Variants in PIEZO2 observed in about 807,000 individuals in gnomAD.
The protein encoded by PIEZO2 is piezo type mechanosensitive ion channel component 2, also known as piezo-type mechanosensitive ion channel component 2.
In PIEZO2, 172 loss-of-function variants were observed where a neutral mutation model predicts 337.3. That is an observed-to-expected ratio of 0.51 (90% CI 0.45 to 0.58). The LOEUF (loss-of-function observed/expected upper bound fraction) is 0.58, where lower values mean the gene tolerates loss of function less well. Among genes scored for constraint, PIEZO2 ranks in the 20% least tolerant of loss-of-function variants. The probability of loss-of-function intolerance (pLI) is 0.00; values close to 1 mark genes in which losing one functional copy is unlikely to be tolerated. For synonymous variants in PIEZO2, 1,251 were observed against 1,228.5 expected, an observed-to-expected ratio of 1.02 and a Z score of -0.38; for missense variants, 3,028 against 3,391.3, an observed-to-expected ratio of 0.89 and a Z score of 2.66.
At chr18:10,857,396 G>C (rs1447258381) in intron 5 of PIEZO2, among the ~76,000 whole-genome samples, 185 bp from the exon 6 acceptor site, 1 of 151,786 alleles carries the variant, frequency 6.6e-6, no homozygotes, top group Non-Finnish European at 1.5e-5. Context: ...AAGTAACTCT[G>C]ATCTTTCTGG....
Position 10,815,050 on chromosome 18 carries a change from T to C in PIEZO2, c.918-7776A>G, listed in dbSNP as rs913573951. Reference sequence around the variant, plus strand: ...CCCTGCAGCAGCTTATAAAACTAATTGTGGGGAAAATGGCCAGGCACTAAA... The same window carrying C: ...CCCTGCAGCAGCTTATAAAACTAATCGTGGGGAAAATGGCCAGGCACTAAA... On this transcript the variant is annotated intron_variant, in intron 7 of 55. Coordinates refer to ENST00000674853, the MANE Select transcript of PIEZO2 (RefSeq NM_001378183.1). The surrounding 1 kb of genome is among the most constrained non-coding windows in gnomAD (Gnocchi z 4.1). 1.3e-5 allele frequency among the ~76,000 whole-genome samples: 2 copies of C among 152,208 alleles called. No homozygotes were observed. The highest frequency in any genetic ancestry group is 2.9e-5 in the Non-Finnish European group (2 of 68,032).
At chr18:10,805,911 C>T (rs888903964) in intron 8 of PIEZO2, among the ~76,000 whole-genome samples, 5 of 152,348 alleles carry the variant, frequency 3.3e-5, no homozygotes, top group African/African-American at 1.2e-4. Context: ...GAGCCATGCG[C>T]CTCCTGCAGT....
At position 10,724,636 on chromosome 18, in the gene PIEZO2, T is replaced by G. The variant is rs2143997025; in HGVS notation, c.5030-6377A>C. The G allele has an allele frequency of 4.3e-6, 3 of 694,608 alleles. No homozygotes were observed. Among genetic ancestry groups the G allele is most frequent in the Middle Eastern group, 2.5e-4 (1 of 3,942 alleles). 43.0% of individuals were successfully genotyped at this position (694,608 alleles called of 1,614,324 possible). A position where few individuals can be genotyped will look rare whatever the true frequency, so the allele number is the denominator to read the frequency against. The stretch of plus-strand genomic sequence containing the variant: ...AGACAGAATGGTGCTGGACTCGGGG[T>G]CTCAGGCGTATGATCAGGCACCCAC... On this transcript the variant is annotated intron_variant, in intron 36 of 55. Coordinates refer to ENST00000674853, the MANE Select transcript of PIEZO2 (RefSeq NM_001378183.1). This position sits in a 1 kb window ranked among gnomAD's most constrained non-coding sequence, Gnocchi z 5.8.
chr18:10,855,267 C>A lies in PIEZO2; in HGVS notation c.917+86G>T, dbSNP rs563449503. Reference sequence around the variant, plus strand: ...AGCAATTGCCTGCCATCAAGAATAACCCCTGTAAATTCACAATGCCAAACC... The same window carrying A: ...AGCAATTGCCTGCCATCAAGAATAAACCCTGTAAATTCACAATGCCAAACC... On this transcript the variant is annotated intron_variant, in intron 7 of 55. Transcript: ENST00000674853. This position sits in a 1 kb window ranked among gnomAD's most constrained non-coding sequence, Gnocchi z 4.9. 20 of 1,195,466 alleles carry A rather than the reference C, an allele frequency of 1.7e-5. No homozygotes were observed. The East Asian group carries it at 4.1e-4, about 24-fold the overall frequency. The allele number at this position is 1,195,466 out of a possible 1,614,324, so 74.1% of individuals were successfully genotyped here.
At chr18:10,810,409 G>A (rs1162187984) in intron 7 of PIEZO2, among the ~76,000 whole-genome samples, 1 of 152,040 alleles carries the variant, frequency 6.6e-6, no homozygotes, top group East Asian at 1.9e-4. Context: ...CAATTATTAT[G>A]CCAAGGGCAG....
chr18:10,831,388 T>G (rs904749603), intron 7 of PIEZO2, among the ~76,000 whole-genome samples: 1 of 152,220 alleles, frequency 6.6e-6, no homozygotes, highest in African/African-American at 2.4e-5. Context: ...TGGATGGAAC[T>G]GGAGGTCATT....
At chr18:11,106,399 ATT>A (rs931175340) in intron 1 of PIEZO2, among the ~76,000 whole-genome samples, 1 of 134,066 alleles carries the variant, frequency 7.5e-6, no homozygotes, top group African/African-American at 2.9e-5. Context: ...CACCCGGCCC[ATT>A]TTTTTCTTTC....
chr18:10,756,813 G>A (rs2037878111), intron 27 of PIEZO2, among the ~76,000 whole-genome samples: 2 of 150,228 alleles, frequency 1.3e-5, no homozygotes, highest in Admixed American at 1.3e-4. Context: ...TGAGGAGGAG[G>A]AATGGGGATA....
intron 7 of PIEZO2, among the ~76,000 whole-genome samples, chr18:10,809,556 C>A (rs2144350117): frequency 1.4e-5 from 2 of 146,070 alleles, no homozygotes; most frequent in East Asian, 4.1e-4. Context: ...ATGTGAGCCA[C>A]CGCACCTGGC....
chr18:10,675,088 G>A (rs2033934810), intron 54 of PIEZO2, 121 bp downstream of exon 54: 2 of 616,724 alleles, frequency 3.2e-6, no homozygotes, highest in Admixed American at 3.7e-5. Flanking sequence ...TTCATATATA[G>A]TCTGTCACAC....
At chr18:10,871,140 T>C (rs1464036683) in intron 5 of PIEZO2, 113 bp downstream of exon 5, 23 of 1,126,152 alleles carry the variant, frequency 2.0e-5, no homozygotes, top group South Asian at 8.3e-5. Flanking sequence ...TGTCAAGCAC[T>C]GTGAATCATA....
At chr18:10,898,327 G>T (rs769746120) in intron 4 of PIEZO2, among the ~76,000 whole-genome samples, 15 of 152,062 alleles carry the variant, frequency 9.9e-5, no homozygotes, top group Non-Finnish European at 1.9e-4. Flanking sequence ...AGGCTGAGGG[G>T]GGAGAATGGC....
At chr18:10,922,188 G>T (rs1024440247) in intron 3 of PIEZO2, among the ~76,000 whole-genome samples, 10 of 152,076 alleles carry the variant, frequency 6.6e-5, no homozygotes, top group African/African-American at 1.7e-4. Flanking sequence ...CTGGTTTTGC[G>T]GCTTGTGGGG....
At position 10,714,894 on chromosome 18, in the gene PIEZO2, A is replaced by G; in HGVS notation, c.5293T>C (p.Tyr1765His). The G allele has an allele frequency of 6.5e-7, 1 of 1,537,236 alleles. No homozygotes were observed. Among genetic ancestry groups the G allele is most frequent in the Non-Finnish European group, 8.7e-7 (1 of 1,146,908 alleles). ...VPTRESIHMYYQNHIMNLSRE... is the reference protein window; with the variant it reads ...VPTRESIHMYHQNHIMNLSRE... ...GAAAGGTTCATGATGTGGTTCTGAT[A>G]GTACATGTGGATGCTCTCCCGAGTT... Residue 1765 changes from tyrosine to histidine, a missense_variant, in exon 39 of 56, where the codon TAT (tyrosine) becomes CAT (histidine). Transcript: ENST00000674853.
At chr18:11,145,882 C>G (rs182861570) in intron 1 of PIEZO2, among the ~76,000 whole-genome samples, 1 of 152,172 alleles carries the variant, frequency 6.6e-6, no homozygotes, top group Non-Finnish European at 1.5e-5. Flanking sequence ...AGGCTCTCTT[C>G]CAGCCAGGGG....
At chr18:10,675,139 G>T in intron 54 of PIEZO2, 70 bp downstream of exon 54, 6 of 1,139,250 alleles carry the variant, frequency 5.3e-6, no homozygotes, top group Non-Finnish European at 7.6e-6. Flanking sequence ...AAGGTCCAAA[G>T]CACAAACTGT....
chr18:10,958,078 T>C (rs1224712425), intron 3 of PIEZO2, among the ~76,000 whole-genome samples: 3 of 152,204 alleles, frequency 2.0e-5, no homozygotes, highest in Non-Finnish European at 4.4e-5. Context: ...TGTAAATTAG[T>C]ACAGCCATTA....
intron 30 of PIEZO2, among the ~76,000 whole-genome samples, chr18:10,745,059 A>T (rs2037368891): frequency 6.6e-6 from 1 of 151,474 alleles, no homozygotes; most frequent in African/African-American, 2.4e-5. Flanking sequence ...GTGGTTTTTC[A>T]CTCCTAGTAA....
intron 2 of PIEZO2, among the ~76,000 whole-genome samples, chr18:11,025,508 TTCAA>T (rs1239654246): frequency 4.2e-4 from 64 of 152,230 alleles, no homozygotes; most frequent in African/African-American, 1.5e-3. Flanking sequence ...CGCCCTGGGC[TTCAA>T]AGGGCCCGGT....
Sources: gnomAD v4.1 joint callset for allele counts (sites outside exome capture counted in the v4.1 genomes callset) on GRCh38, gnomAD v4.1.1 for gene constraint, Gnocchi (gnomAD v3.1) non-coding constraint, MANE v1.5 for transcripts, NCBI Gene and HGNC (gene_info 2026-07-23, HGNC 2026-07-21) for gene names.